ARHGAP35: variants seen among roughly 807,000 people sequenced by gnomAD.
The protein encoded by ARHGAP35 is Rho GTPase activating protein 35.
A neutral mutation model predicts 111.1 loss-of-function variants in ARHGAP35; 15 were observed. That is an observed-to-expected ratio of 0.13 (90% CI 0.09 to 0.21). ARHGAP35 has a LOEUF of 0.21. Ranked by LOEUF, ARHGAP35 falls within the 10% of genes least tolerant of loss-of-function variation. ARHGAP35 has a pLI of 1.00. For missense variants in ARHGAP35, 1,262 were observed against 1,873.0 expected, an observed-to-expected ratio of 0.67 and a Z score of 6.02; for synonymous variants, 643 against 710.3, an observed-to-expected ratio of 0.91 and a Z score of 1.51.
At chr19:46,985,675 G>A (rs1400776504) in intron 3 of ARHGAP35, among the ~76,000 whole-genome samples, 2 of 152,178 alleles carry the variant, frequency 1.3e-5, no homozygotes, top group African/African-American at 2.4e-5. Flanking sequence ...AGTGCACAGC[G>A]TGTGACCACT....
At chr19:46,987,209 CTTTTTTTTCT>C (rs1483805799) in intron 3 of ARHGAP35, among the ~76,000 whole-genome samples, 1 of 137,464 alleles carries the variant, frequency 7.3e-6, no homozygotes, top group African/African-American at 2.7e-5. Context: ...TTTTTTTTTT[CTTTTTTTTCT>C]TTTTTTTTTT....
chr19:46,982,293 A>G (rs1297713364), intron 3 of ARHGAP35, among the ~76,000 whole-genome samples: 1 of 152,122 alleles, frequency 6.6e-6, no homozygotes, highest in Non-Finnish European at 1.5e-5. Flanking sequence ...TCTAGCCAAC[A>G]TGGCAAAACC....
chr19:46,978,422 G>T (rs1456707311), intron 3 of ARHGAP35, among the ~76,000 whole-genome samples: 1 of 152,034 alleles, frequency 6.6e-6, no homozygotes, highest in Admixed American at 6.6e-5. Flanking sequence ...ACTTGGGCCT[G>T]CCGTGGAAAG....
At chr19:46,861,411 C>T (rs1441724841) in intron 1 of ARHGAP35, among the ~76,000 whole-genome samples, 1 of 149,870 alleles carries the variant, frequency 6.7e-6, no homozygotes, top group Non-Finnish European at 1.5e-5. Context: ...CCGTGGGGCC[C>T]TCCTGCCCTT....
intron 2 of ARHGAP35, among the ~76,000 whole-genome samples, chr19:46,927,176 T>C (rs1184072715): frequency 1.3e-5 from 2 of 152,362 alleles, no homozygotes; most frequent in East Asian, 3.9e-4. Flanking sequence ...AAGCCGAAGT[T>C]CAGTCATTCT....
At chr19:46,873,005 G>T (rs1362298757) in intron 1 of ARHGAP35, among the ~76,000 whole-genome samples, 2 of 152,122 alleles carry the variant, frequency 1.3e-5, no homozygotes, top group Non-Finnish European at 2.9e-5. Flanking sequence ...TGGGGTAGGT[G>T]GTATTCTTAC....
intron 1 of ARHGAP35, among the ~76,000 whole-genome samples, chr19:46,909,035 C>G (rs762689717): frequency 6.6e-6 from 1 of 151,610 alleles, no homozygotes; most frequent in Non-Finnish European, 1.5e-5. Context: ...TGGTGTGGCT[C>G]ACGCCTGTAA....
In ARHGAP35 at chr19:46,919,568, A is replaced by C. The variant is rs899049642; in HGVS notation, c.893A>C (p.Lys298Thr). ...GAGAACTGGCTGAGTGTCAGCCGAA[A>C]GATGCAGGCCTCTCCAGAATACCAG... Reference protein sequence around the residue: ...HNENWLSVSRKMQASPEYQDY... With the variant: ...HNENWLSVSRTMQASPEYQDY... The change falls in exon 2 of 7, where the codon AAG (lysine) becomes ACG (threonine). Residue 298 changes from lysine to threonine, a missense_variant. By Grantham distance (78) the Lys-to-Thr change is moderately conservative. Coordinates refer to ENST00000672722, the MANE Select transcript of ARHGAP35 (RefSeq NM_004491.5). The surrounding 1 kb of genome is among the most constrained non-coding windows in gnomAD (Gnocchi z 6.2). The C allele has an allele frequency of 1.2e-6, 2 of 1,613,990 alleles. No homozygotes were observed. The highest frequency in any genetic ancestry group is 1.7e-6 in the Non-Finnish European group (2 of 1,179,888).
chr19:46,891,938 C>T (rs370105534), intron 1 of ARHGAP35, among the ~76,000 whole-genome samples: 1 of 151,578 alleles, frequency 6.6e-6, no homozygotes, highest in African/African-American at 2.4e-5. Context: ...TTCAGGAGTT[C>T]GAGACCAGCC....
In ARHGAP35 at chr19:46,975,410, G is replaced by A. The variant is rs115428103; in HGVS notation, c.3827-12579G>A. 6.2e-3 allele frequency among the ~76,000 whole-genome samples: 950 copies of A among 152,278 alleles called. 11 individuals carry two copies. The highest frequency in any genetic ancestry group is 0.022 in the African/African-American group (921 of 41,584). ...CCTCTACATCTGGAAGGAGCACCAG[G>A]GAGGGCCCAGCCTGGGGCTGGGAGC... is the stretch of plus-strand genomic sequence containing the variant. On this transcript the variant is annotated intron_variant, in intron 3 of 6. Transcript: ENST00000672722.
intron 1 of ARHGAP35, among the ~76,000 whole-genome samples, chr19:46,892,123 T>TAAAAAA (rs1178888092): frequency 2.6e-4 from 14 of 53,884 alleles, no homozygotes; most frequent in East Asian, 5.2e-4. Flanking sequence ...CTGTCTCTAC[T>TAAAAAA]AAAAAAAAAA....
chr19:46,888,892 C>T (rs1037157604), intron 1 of ARHGAP35, among the ~76,000 whole-genome samples: 3 of 151,370 alleles, frequency 2.0e-5, no homozygotes, highest in Non-Finnish European at 4.4e-5. Context: ...GCCTGTAGTA[C>T]CAGCTACTCA....
chr19:46,861,577 C>T (rs1463997108), intron 1 of ARHGAP35, among the ~76,000 whole-genome samples: 2 of 151,226 alleles, frequency 1.3e-5, no homozygotes, highest in Admixed American at 6.6e-5. Context: ...CTCCATAATG[C>T]CCTTCGCTCC....
chr19:46,873,834 C>T (rs750794048), intron 1 of ARHGAP35, among the ~76,000 whole-genome samples: 17 of 152,084 alleles, frequency 1.1e-4, no homozygotes, highest in Non-Finnish European at 2.4e-4. Context: ...CTGCAACTTC[C>T]GCCTCCGGGG....
intron 1 of ARHGAP35, among the ~76,000 whole-genome samples, chr19:46,886,183 A>C (rs1285553660): frequency 6.6e-6 from 1 of 152,172 alleles, no homozygotes; most frequent in Non-Finnish European, 1.5e-5. Context: ...CTCTGTTTCC[A>C]AGGTTGAATT....
intron 3 of ARHGAP35, among the ~76,000 whole-genome samples, chr19:46,983,943 T>C (rs2056635193): frequency 6.6e-6 from 1 of 152,224 alleles, no homozygotes; most frequent in Non-Finnish European, 1.5e-5. Flanking sequence ...ATTGTAGCTC[T>C]GTCCCCTAGA....
chr19:46,972,738 T>C (rs1199141249), intron 3 of ARHGAP35, among the ~76,000 whole-genome samples: 1 of 152,046 alleles, frequency 6.6e-6, no homozygotes, highest in Non-Finnish European at 1.5e-5. Context: ...TTTCCATGAG[T>C]CTCATTTAAG....
Position 46,920,707 on chromosome 19 carries a change from A to G in ARHGAP35, c.2032A>G (p.Ile678Val), listed in dbSNP as rs771955731. The change falls in exon 2 of 7, where the codon ATA becomes GTA. Residue 678 changes from isoleucine (I) to valine (V), a missense_variant. Around this residue, in one of 8 missense-constraint regions of ARHGAP35, gnomAD observed 579 missense variants for 716.9 expected, o/e 0.81. Transcript: ENST00000672722. The surrounding 1 kb of genome is among the most constrained non-coding windows in gnomAD (Gnocchi z 7.0). ...KESLSYVVES[I>V]EKSRESTLGR... Reference sequence around the variant, plus strand: ...ATCGCTATCCTATGTAGTGGAAAGTATAGAGAAGAGTAGAGAGTCCACGCT... The same window carrying G: ...ATCGCTATCCTATGTAGTGGAAAGTGTAGAGAAGAGTAGAGAGTCCACGCT... 5 of 1,613,800 alleles carry G rather than the reference A, an allele frequency of 3.1e-6. No individual in the cohort carries two copies. In the Admixed American group the frequency reaches 6.7e-5, roughly 22 times the overall value.
intron 1 of ARHGAP35, among the ~76,000 whole-genome samples, chr19:46,872,607 G>A (rs1373360859): frequency 6.6e-6 from 1 of 152,162 alleles, no homozygotes; most frequent in Non-Finnish European, 1.5e-5. Flanking sequence ...AAGGCTGGGT[G>A]AGGTGGCTCA....
Sources: gnomAD v4.1 joint callset for allele counts (sites outside exome capture counted in the v4.1 genomes callset) on GRCh38, gnomAD v4.1.1 for gene constraint, gnomAD v4.1.1 regional missense constraint, Gnocchi (gnomAD v3.1) non-coding constraint, MANE v1.5 for transcripts, NCBI Gene and HGNC (gene_info 2026-07-23, HGNC 2026-07-21) for gene names.